Variants in CACNA1I observed in about 807,000 individuals in gnomAD.
CACNA1I encodes the protein voltage-dependent T-type calcium channel subunit alpha-1I.
CACNA1I carries 74 observed loss-of-function variants against 201.6 expected under a neutral mutation model. The observed-to-expected ratio is 0.37, with a 90% confidence interval of 0.30 to 0.45. CACNA1I has a LOEUF of 0.45. CACNA1I is among the 20% of genes least tolerant of loss of function. The pLI is 1.00. For synonymous variants in CACNA1I, 1,431 were observed against 1,345.2 expected (o/e 1.06, Z -1.40); for missense variants, 2,346 against 3,138.1 (o/e 0.75, Z 6.03).
intron 4 of CACNA1I, among the ~76,000 whole-genome samples, chr22:39,633,783 A>G (rs1934131176): frequency 6.6e-6 from 1 of 152,264 alleles, no homozygotes; most frequent in Admixed American, 6.5e-5. Context: ...GTGCCCCACC[A>G]GCTCTTCACC....
chr22:39,625,496 A>C (rs1400353934), intron 4 of CACNA1I, among the ~76,000 whole-genome samples: 2 of 152,098 alleles, frequency 1.3e-5, no homozygotes, highest in African/African-American at 2.4e-5. Context: ...CGGTTTCCCT[A>C]CTCGTACAAA....
chr22:39,662,747 C>A (rs1177688104), intron 17 of CACNA1I, 29 bp from the exon 18 acceptor site: 5 of 1,484,594 alleles, frequency 3.4e-6, no homozygotes, highest in Non-Finnish European at 3.7e-6. Context: ...GCATCGCTGA[C>A]CCCCGGCGCT....
Position 39,668,278 on chromosome 22 carries a change from C to G in CACNA1I, c.4105-14C>G. 1.3e-6 allele frequency: 2 copies of G among 1,584,792 alleles called. No homozygotes were observed. Among genetic ancestry groups the G allele is most frequent in the East Asian group, 2.2e-5 (1 of 44,722 alleles). ...AGTCCTCACCCCTGCATTCCGCCTC[C>G]CCATGTCTCCCAGGCTCTGATGTCC... On this transcript the variant is annotated splice_polypyrimidine_tract_variant and intron_variant, in intron 23 of 36. Transcript: ENST00000402142.
intron 1 of CACNA1I, among the ~76,000 whole-genome samples, chr22:39,584,151 A>G (rs1300194737): frequency 6.6e-6 from 1 of 152,222 alleles, no homozygotes; most frequent in Admixed American, 6.5e-5. Context: ...AAGGCTGTTC[A>G]GGAAGGAGAG....
chr22:39,648,662 G>A lies in CACNA1I; in HGVS notation c.1567+736G>A, dbSNP rs1934561790. Among the ~76,000 whole-genome samples, 1 of 152,104 alleles carries A rather than the reference G, an allele frequency of 6.6e-6. No homozygotes were observed. The highest frequency in any genetic ancestry group is 1.9e-4 in the East Asian group (1 of 5,184). ...TGGAAATGAAGGGTAGGCGTGACAT[G>A]CTTTTCTTTCCCTTTCATGTTACTT... On this transcript the variant is annotated intron_variant, in intron 9 of 36. Coordinates refer to ENST00000402142, the MANE Select transcript of CACNA1I (RefSeq NM_021096.4). This position sits in a 1 kb window ranked among gnomAD's most constrained non-coding sequence, Gnocchi z 5.4.
chr22:39,609,340 AG>A (rs778304674), intron 3 of CACNA1I, among the ~76,000 whole-genome samples: 3 of 152,232 alleles, frequency 2.0e-5, no homozygotes, highest in Non-Finnish European at 4.4e-5. Context: ...TGTATTTGTC[AG>A]GGATGCATTT....
intron 4 of CACNA1I, among the ~76,000 whole-genome samples, chr22:39,621,218 C>T (rs1933733829): frequency 6.6e-6 from 1 of 152,350 alleles, no homozygotes; most frequent in African/African-American, 2.4e-5. Flanking sequence ...TTCTGTCTGT[C>T]CTCAGCCCAG....
intron 5 of CACNA1I, among the ~76,000 whole-genome samples, chr22:39,635,341 G>GC (rs1320372994): frequency 2.0e-5 from 3 of 151,594 alleles, no homozygotes; most frequent in African/African-American, 7.2e-5. Context: ...GCGGCAGAAG[G>GC]GGGGGGGTCC....
intron 1 of CACNA1I, among the ~76,000 whole-genome samples, chr22:39,596,497 TG>T (rs200408080): frequency 1.1e-4 from 1 of 9,482 alleles, no homozygotes; most frequent in African/African-American, 4.7e-4. Flanking sequence ...TGGAGAGAGA[TG>T]GGGGGCAGGG....
intron 10 of CACNA1I, among the ~76,000 whole-genome samples, chr22:39,655,239 G>A (rs1011200769): frequency 1.1e-4 from 16 of 141,996 alleles, no homozygotes; most frequent in Non-Finnish European, 1.8e-4. Context: ...TTATGATGGG[G>A]ATGGTGCTGG....
chr22:39,638,506 T>A (rs1934275310), intron 5 of CACNA1I, among the ~76,000 whole-genome samples: 1 of 152,234 alleles, frequency 6.6e-6, no homozygotes, highest in Non-Finnish European at 1.5e-5. Context: ...TGCTGAATAT[T>A]ACCAACCATG....
intron 5 of CACNA1I, among the ~76,000 whole-genome samples, chr22:39,637,819 G>C (rs370032466): frequency 1.2e-4 from 18 of 152,166 alleles, no homozygotes; most frequent in African/African-American, 4.1e-4. Context: ...TTTTCTAAAG[G>C]TTGTGAAAAT....
chr22:39,658,947 G>A lies in CACNA1I; in HGVS notation c.2161G>A (p.Gly721Arg), dbSNP rs1322280833. 6.3e-7 allele frequency: 1 copy of A among 1,599,532 alleles called. No individual in the cohort carries two copies. The highest frequency in any genetic ancestry group is 1.7e-4 in the Middle Eastern group (1 of 6,052). ...GGACCGCAGCATCTGGGAGATTGTG[G>A]GGCAGGCGGACGGTGGGCTGTCGGT... Reference protein sequence around the residue: ...IVIISIWEIVGQADGGLSVLR... With the variant: ...IVIISIWEIVRQADGGLSVLR... Residue 721 changes from glycine (G) to arginine (R), a missense_variant, in exon 12 of 37, where the codon GGG becomes AGG. Gly to Arg is a moderately radical substitution (Grantham distance 125, BLOSUM62 -2). This residue lies in a region of CACNA1I where 155 missense variants were observed against 300.8 expected (regional missense o/e 0.52). Coordinates refer to ENST00000402142, the MANE Select transcript of CACNA1I (RefSeq NM_021096.4).
At chr22:39,651,494 G>C (rs1018822046) in intron 10 of CACNA1I, among the ~76,000 whole-genome samples, 1 of 152,198 alleles carries the variant, frequency 6.6e-6, no homozygotes, top group Admixed American at 6.5e-5. Context: ...GGGGAGAGCT[G>C]GTGAGACAGG....
rs947862348 is a variant in CACNA1I, at chr22:39,677,624, C to T, written c.4933+205C>T. ...GGTGTTGGTGCCTGTCCTGAGCCAG[C>T]GCCACCCCAGCAAGTGGAGAGGCCA... On this transcript the variant is annotated intron_variant, in intron 30 of 36. Transcript: ENST00000402142. The surrounding 1 kb of genome is among the most constrained non-coding windows in gnomAD (Gnocchi z 4.8). 5.3e-5 allele frequency among the ~76,000 whole-genome samples: 8 copies of T among 152,316 alleles called. No homozygotes were observed. Among genetic ancestry groups the T allele is most frequent in the South Asian group, 2.1e-4 (1 of 4,830 alleles).
chr22:39,624,081 G>A (rs556117232), intron 4 of CACNA1I, among the ~76,000 whole-genome samples: 12 of 151,238 alleles, frequency 7.9e-5, no homozygotes, highest in Admixed American at 3.3e-4. Context: ...GTGTTTGTGA[G>A]AGCGCGTGTG....
At chr22:39,637,898 G>C (rs928793965) in intron 5 of CACNA1I, among the ~76,000 whole-genome samples, 1 of 152,018 alleles carries the variant, frequency 6.6e-6, no homozygotes. Context: ...TAGGTCTGAC[G>C]TCCAAATCTA....
intron 5 of CACNA1I, among the ~76,000 whole-genome samples, chr22:39,639,995 G>A (rs1934313553): frequency 6.6e-6 from 1 of 152,224 alleles, no homozygotes; most frequent in Non-Finnish European, 1.5e-5. Flanking sequence ...CGGCCAAAAT[G>A]TTGGGATTTT....
chr22:39,649,718 G>A lies in CACNA1I; in HGVS notation c.1785G>A (p.Arg595=), dbSNP rs1934594253. 4.6e-6 allele frequency: 7 copies of A among 1,537,184 alleles called. No individual in the cohort carries two copies. Among genetic ancestry groups the A allele is most frequent in the Non-Finnish European group, 6.1e-6 (7 of 1,140,602 alleles). The change falls in exon 10 of 37, where the codon CGG becomes CGA. Residue 595 remains arginine, a synonymous_variant. Coordinates refer to ENST00000402142, the MANE Select transcript of CACNA1I (RefSeq NM_021096.4). The surrounding 1 kb of genome is among the most constrained non-coding windows in gnomAD (Gnocchi z 7.3). Reference sequence around the variant, plus strand: ...ACGAGGCGGATGGGGACGGGGCCCGGAGCAGCGAGGACGGAGCCTCCTCAG... The same window carrying A: ...ACGAGGCGGATGGGGACGGGGCCCGAAGCAGCGAGGACGGAGCCTCCTCAG... ...GEDEADGDGA[R]SSEDGASSEL... is the part of the protein sequence containing the mutation.
Sources: allele counts gnomAD v4.1 joint callset (sites outside exome capture counted in the v4.1 genomes callset), GRCh38; gene constraint gnomAD v4.1.1; regional missense constraint gnomAD v4.1.1; non-coding constraint Gnocchi (gnomAD v3.1); transcripts MANE v1.5; gene names NCBI Gene and HGNC (gene_info 2026-07-23, HGNC 2026-07-21).